Variants in WWOX observed in about 807,000 individuals in gnomAD.
WWOX encodes the protein WW domain containing oxidoreductase.
WWOX carries 69 observed loss-of-function variants against 46.2 expected under a neutral mutation model. The observed-to-expected ratio is 1.49, with a 90% CI of 1.23 to 1.82. WWOX has a LOEUF of 1.82. Among genes scored for constraint, WWOX ranks in the 40% most tolerant of loss-of-function variants. The pLI is 0.00. For missense variants in WWOX, 919 were observed against 542.6 expected (o/e 1.69, Z -6.89); for synonymous variants, 359 against 202.6 (o/e 1.77, Z -6.56).
chr16:78,987,253 G>A (rs1044456701), intron 8 of WWOX, among the ~76,000 whole-genome samples: 3 of 152,166 alleles, frequency 2.0e-5, no homozygotes, highest in South Asian at 4.1e-4. Context: ...CTCAGTCCTG[G>A]CTTTATTGAT....
At chr16:78,902,173 G>C (rs2044846757) in intron 8 of WWOX, among the ~76,000 whole-genome samples, 1 of 152,202 alleles carries the variant, frequency 6.6e-6, no homozygotes, top group South Asian at 2.1e-4. Context: ...GAATCGGGCA[G>C]CCTGCAGCTG....
intron 8 of WWOX, among the ~76,000 whole-genome samples, chr16:78,567,576 G>T (rs1265593631): frequency 3.8e-5 from 4 of 104,226 alleles, no homozygotes; most frequent in African/African-American, 1.2e-4. Context: ...AAAAAAAAAA[G>T]AAGTGAGTTT....
chr16:78,114,089 C>CTTT lies in WWOX; in HGVS notation c.231-869_231-867dup, dbSNP rs759734805. On this transcript the variant is annotated intron_variant, in intron 3 of 8. Transcript: ENST00000566780. ...GAGTACTCTTTTCATCCATATGTGC[C>CTTT]TTTTTTTTTTTTTTTTTTTTAATGG... 6.7e-5 allele frequency among the ~76,000 whole-genome samples: 7 copies of CTTT among 104,082 alleles called. No homozygotes were observed. In the South Asian group the frequency reaches 9.5e-4, roughly 14 times the overall value. 68.3% of individuals were successfully genotyped at this position (104,082 alleles called of 152,430 possible). A position where few individuals can be genotyped will look rare whatever the true frequency, so the allele number is the denominator to read the frequency against.
chr16:78,703,987 C>G (rs1053563342), intron 8 of WWOX, among the ~76,000 whole-genome samples: 2 of 152,246 alleles, frequency 1.3e-5, no homozygotes, highest in South Asian at 4.1e-4. Context: ...GTGCACAATT[C>G]AGTGGCATAA....
intron 8 of WWOX, among the ~76,000 whole-genome samples, chr16:79,150,848 G>C (rs141414346): frequency 1.1e-4 from 17 of 152,170 alleles, no homozygotes; most frequent in African/African-American, 3.6e-4. Flanking sequence ...AAATCATTGC[G>C]TAGGCCACTT....
chr16:78,545,033 A>AAGAG (rs1003420320), intron 8 of WWOX, among the ~76,000 whole-genome samples: 1 of 152,252 alleles, frequency 6.6e-6, no homozygotes, highest in East Asian at 1.9e-4. Flanking sequence ...GAGAGAAAGA[A>AAGAG]AGAGAGAGAG....
intron 5 of WWOX, among the ~76,000 whole-genome samples, chr16:78,326,488 A>G (rs1842564740): frequency 6.6e-6 from 1 of 150,636 alleles, no homozygotes; most frequent in Non-Finnish European, 1.5e-5. Context: ...GAATGTAAAT[A>G]CTAAAATGCC....
chr16:79,066,992 G>A (rs2048453566), intron 8 of WWOX, among the ~76,000 whole-genome samples: 1 of 152,194 alleles, frequency 6.6e-6, no homozygotes, highest in Non-Finnish European at 1.5e-5. Context: ...CTCTGAAAGG[G>A]CATTCTGCAT....
At chr16:78,326,459 G>C (rs1378243855) in intron 5 of WWOX, among the ~76,000 whole-genome samples, 1 of 151,672 alleles carries the variant, frequency 6.6e-6, no homozygotes, top group African/African-American at 2.4e-5. Flanking sequence ...TCGCGCAAAG[G>C]AAGCTGGGCC....
At chr16:78,249,243 T>A (rs1041218324) in intron 5 of WWOX, among the ~76,000 whole-genome samples, 44 of 152,150 alleles carry the variant, frequency 2.9e-4, no homozygotes, top group African/African-American at 9.4e-4. Flanking sequence ...GTTGTGAATG[T>A]GAACCCAGGA....
At chr16:78,877,503 A>C (rs1162395841) in intron 8 of WWOX, among the ~76,000 whole-genome samples, 2 of 151,660 alleles carry the variant, frequency 1.3e-5, no homozygotes, top group African/African-American at 4.8e-5. Flanking sequence ...GTTTCTCACC[A>C]CTCACTATAA....
rs538605315 is a variant in WWOX at position 78,794,024 on chromosome 16, T to C, written c.1056+361272T>C. ...ACACAGGCTTTGGGTTACAGCAGGC[T>C]AGATTCAAATCCTGCTGTGGTCAGA... On this transcript the variant is annotated intron_variant, in intron 8 of 8. Transcript: ENST00000566780. Among the ~76,000 whole-genome samples, 236 of 152,324 alleles carry C rather than the reference T, an allele frequency of 1.5e-3. 1 individual carries two copies. The highest frequency in any genetic ancestry group is 3.4e-3 in the Middle Eastern group (1 of 294).
In WWOX at chr16:79,190,094, G is replaced by A. The variant is rs542031895; in HGVS notation, c.1057-21514G>A. Among the ~76,000 whole-genome samples, 440 of 151,836 alleles carry A rather than the reference G, an allele frequency of 2.9e-3. 2 individuals are homozygous for A. The highest frequency in any genetic ancestry group is 0.017 in the Middle Eastern group (5 of 294). ...TCGCCCAGGGCGGCGGTGTGATCTC[G>A]GCTCACTGCAACCTCAGTCTCCCAG... is the stretch of plus-strand genomic sequence containing the variant. On this transcript the variant is annotated intron_variant, in intron 8 of 8. Coordinates refer to ENST00000566780, the MANE Select transcript of WWOX (RefSeq NM_016373.4).
At chr16:78,533,062 A>G (rs1236327829) in intron 8 of WWOX, among the ~76,000 whole-genome samples, 3 of 152,142 alleles carry the variant, frequency 2.0e-5, no homozygotes, top group Admixed American at 6.5e-5. Context: ...GGTGGGAGCC[A>G]GACAGATGGG....
At chr16:78,619,955 T>A (rs776453436) in intron 8 of WWOX, among the ~76,000 whole-genome samples, 1 of 152,112 alleles carries the variant, frequency 6.6e-6, no homozygotes, top group Admixed American at 6.5e-5. Flanking sequence ...ATAGGCCTTA[T>A]CTTTATCTGA....
chr16:78,685,072 A>G (rs1472965252), intron 8 of WWOX, among the ~76,000 whole-genome samples: 1 of 151,944 alleles, frequency 6.6e-6, no homozygotes, highest in Non-Finnish European at 1.5e-5. Flanking sequence ...AACATCGTCC[A>G]CCCTCTGAGA....
chr16:78,563,496 C>G (rs1464834004), intron 8 of WWOX, among the ~76,000 whole-genome samples: 1 of 138,608 alleles, frequency 7.2e-6, no homozygotes, highest in Admixed American at 7.0e-5. Context: ...GGTGAACACA[C>G]ACACACACAC....
At chr16:78,656,502 C>G (rs569616020) in intron 8 of WWOX, among the ~76,000 whole-genome samples, 1 of 152,180 alleles carries the variant, frequency 6.6e-6, no homozygotes, top group Non-Finnish European at 1.5e-5. Context: ...CAGGCATGTT[C>G]TGCATGGCTG....
chr16:78,485,149 A>G (rs926798765), intron 8 of WWOX, among the ~76,000 whole-genome samples: 17 of 152,236 alleles, frequency 1.1e-4, no homozygotes, highest in African/African-American at 3.9e-4. Flanking sequence ...CTTTAAAAAA[A>G]AAAATTAATA....
Sources: allele counts gnomAD v4.1 joint callset (sites outside exome capture counted in the v4.1 genomes callset), GRCh38; gene constraint gnomAD v4.1.1; transcripts MANE v1.5; gene names NCBI Gene and HGNC (gene_info 2026-07-23, HGNC 2026-07-21).